The following SPEG variants were observed in gnomAD, a reference collection of about 807,000 sequenced individuals.
SPEG encodes striated muscle enriched protein kinase.
Under a neutral mutation model 300.4 loss-of-function variants are expected in SPEG, and 114 were observed. The observed-to-expected ratio is 0.38, with a 90% CI of 0.33 to 0.44. The LOEUF (loss-of-function observed/expected upper bound fraction) is 0.44. Ranked by LOEUF, SPEG falls within the 20% of genes least tolerant of loss-of-function variation. The pLI, the probability that SPEG is intolerant of heterozygous loss-of-function variation, is 1.00. For missense variants in SPEG, 4,201 were observed against 4,586.2 expected, an observed-to-expected ratio of 0.92 and a Z score of 2.43; for synonymous variants, 1,964 against 2,018.9, an observed-to-expected ratio of 0.97 and a Z score of 0.73.
intron 18 of SPEG, among the ~76,000 whole-genome samples, chr2:219,475,956 G>C (rs1432289145): frequency 6.6e-6 from 1 of 151,532 alleles, no homozygotes; most frequent in African/African-American, 2.4e-5. Flanking sequence ...GTCCACACCC[G>C]GCCGCCCTGC....
At position 219,464,387 on chromosome 2, in the gene SPEG, C is replaced by T. The variant is rs1013667966; in HGVS notation, c.2706-46C>T. The T allele has an allele frequency of 1.3e-6, 2 of 1,569,882 alleles. No individual in the cohort carries two copies. The highest frequency in any genetic ancestry group is 1.7e-6 in the Non-Finnish European group (2 of 1,159,596). ...TGCAGCCCCAGTTCCTGTGCACGCA[C>T]ATCAGGCCCCTGGGCCCTGGGACTG... On this transcript the variant is annotated intron_variant, in intron 8 of 40. Coordinates refer to ENST00000312358, the MANE Select transcript of SPEG (RefSeq NM_005876.5). This position sits in a 1 kb window ranked among gnomAD's most constrained non-coding sequence, Gnocchi z 4.5.
At chr2:219,478,362 A>G (rs1179632808) in intron 22 of SPEG, among the ~76,000 whole-genome samples, 1 of 152,148 alleles carries the variant, frequency 6.6e-6, no homozygotes, top group African/African-American at 2.4e-5. Context: ...ATATATTCCT[A>G]TCTCCTGGAA....
At chr2:219,470,253 A>C (rs1022065629) in intron 13 of SPEG, among the ~76,000 whole-genome samples, 38 of 152,302 alleles carry the variant, frequency 2.5e-4, no homozygotes, top group African/African-American at 8.9e-4. Context: ...AGGCTTAGAG[A>C]GATACAGGAA....
At chr2:219,465,890 T>C (rs1372892084) in intron 9 of SPEG, 129 of 635,616 alleles carry the variant, frequency 2.0e-4, no homozygotes, top group Non-Finnish European at 3.1e-4. Context: ...CGTGTGCATG[T>C]GTGCGTATGG....
At chr2:219,490,103 C>T (rs1440955651) in intron 36 of SPEG, among the ~76,000 whole-genome samples, 164 bp downstream of exon 36, 3 of 152,232 alleles carry the variant, frequency 2.0e-5, no homozygotes, top group Admixed American at 6.5e-5. Flanking sequence ...CACTGCACTG[C>T]GTGCTTTAGC....
Position 219,481,613 on chromosome 2 carries a change from C to T in SPEG, c.5523-25C>T, listed in dbSNP as rs1429909927. 1 of 1,613,726 alleles carries T rather than the reference C, an allele frequency of 6.2e-7. No individual in the cohort carries two copies. The highest frequency in any genetic ancestry group is 8.5e-7 in the Non-Finnish European group (1 of 1,179,630). On this transcript the variant is annotated intron_variant, in intron 27 of 40. Transcript: ENST00000312358. This position sits in a 1 kb window ranked among gnomAD's most constrained non-coding sequence, Gnocchi z 5.4. ...TCACTGATGACTGAACGATAAATCCCTTCTTAATCCTCATTCATTCACAGG... is the reference window on the plus strand; with the variant it reads ...TCACTGATGACTGAACGATAAATCCTTTCTTAATCCTCATTCATTCACAGG...
chr2:219,484,027 C>A lies in SPEG; in HGVS notation c.6564C>A (p.Thr2188=), dbSNP rs970831319. Residue 2188 remains threonine (T), a synonymous_variant, in exon 30 of 41, where the codon ACC becomes ACA. Transcript: ENST00000312358. ...GGCCCAGCGCCCCCAAACCCAGTAC[C>A]CCTAAGTCTGCAGAACCTTCTGCCA... ...PARPSAPKPS[T]PKSAEPSATT... 2.5e-6 allele frequency: 4 copies of A among 1,613,530 alleles called. No individual in the cohort carries two copies. Among genetic ancestry groups the A allele is most frequent in the Non-Finnish European group, 3.4e-6 (4 of 1,179,838 alleles).
Position 219,492,687 on chromosome 2 carries a change from C to T in SPEG, c.9705C>T (p.Thr3235=), listed in dbSNP as rs374298882. 81 of 1,609,676 alleles carry T rather than the reference C, an allele frequency of 5.0e-5. No individual in the cohort carries two copies. The highest frequency in any genetic ancestry group is 6.8e-5 in the Non-Finnish European group (80 of 1,179,966). The change falls in exon 41 of 41, where the codon ACC becomes ACT. Residue 3235 remains threonine, a synonymous_variant. Coordinates refer to ENST00000312358, the MANE Select transcript of SPEG (RefSeq NM_005876.5). ...GCCGCCAGACGCTCACCTTCACCAC[C>T]AACCGGCTCAAGGAGTTCCTGGGCG... The part of the protein sequence containing the change: ...KLRRQTLTFT[T]NRLKEFLGEQ...
chr2:219,488,354 G>T, intron 32 of SPEG, 44 bp downstream of exon 32: 1 of 1,547,104 alleles, frequency 6.5e-7, no homozygotes. Context: ...CCAGCAAGTG[G>T]CCCTGAGCCC....
intron 31 of SPEG, among the ~76,000 whole-genome samples, chr2:219,487,661 G>A (rs1395267888): frequency 2.0e-5 from 3 of 152,134 alleles, no homozygotes; most frequent in Admixed American, 6.5e-5. Flanking sequence ...AAGCCGACAC[G>A]CTTCCAGGGT....
At chr2:219,436,905 A>T (rs1954734039) in intron 1 of SPEG, among the ~76,000 whole-genome samples, 1 of 152,226 alleles carries the variant, frequency 6.6e-6, no homozygotes, top group Admixed American at 6.5e-5. Context: ...ATCAAAGGGT[A>T]AGATAGATGA....
In SPEG at chr2:219,448,808, C is replaced by G. The variant is rs1210980711; in HGVS notation, c.1650C>G (p.Pro550=). Residue 550 remains proline (P), a synonymous_variant, in exon 4 of 41, where the codon CCC becomes CCG. Coordinates refer to ENST00000312358, the MANE Select transcript of SPEG (RefSeq NM_005876.5). ...STPKTSRAVS[P]AAAQPPSPSS... ...CCAAGACATCGCGGGCCGTGAGCCCCGCCGCCGCCCAGCCGCCCTCTCCGA... is the reference window on the plus strand; with the variant it reads ...CCAAGACATCGCGGGCCGTGAGCCCGGCCGCCGCCCAGCCGCCCTCTCCGA... The G allele has an allele frequency of 7.1e-7, 1 of 1,402,762 alleles. No homozygotes were observed. The highest frequency in any genetic ancestry group is 1.6e-5 in the South Asian group (1 of 64,154). The allele number at this position is 1,402,762 out of a possible 1,614,324, so 86.9% of individuals were successfully genotyped here. A position where few individuals can be genotyped will look rare whatever the true frequency, so the allele number is the denominator to read the frequency against.
Position 219,448,771 on chromosome 2 carries a change from G to T in SPEG, c.1613G>T (p.Arg538Leu), listed in dbSNP as rs1434694472. 6.9e-7 allele frequency: 1 copy of T among 1,445,630 alleles called. No individual in the cohort carries two copies. The highest frequency in any genetic ancestry group is 9.0e-7 in the Non-Finnish European group (1 of 1,106,330). 89.6% of individuals were successfully genotyped at this position (1,445,630 alleles called of 1,614,324 possible). Residue 538 changes from arginine to leucine, a missense_variant, in exon 4 of 41, where the codon CGG becomes CTG. By Grantham distance (102) the Arg-to-Leu change is moderately radical. Transcript: ENST00000312358. ...REPGEPPLFS[R>L]PSTPKTSRAV... ...CCCGGCGAGCCCCCGCTCTTCTCTCGGCCCTCCACCCCCAAGACATCGCGG... is the reference window on the plus strand; with the variant it reads ...CCCGGCGAGCCCCCGCTCTTCTCTCTGCCCTCCACCCCCAAGACATCGCGG...
rs762783602 is a variant in SPEG at position 219,448,628 on chromosome 2, C to A, written c.1470C>A (p.Leu490=). The A allele has an allele frequency of 1.3e-6, 2 of 1,482,420 alleles. No individual in the cohort carries two copies. Among genetic ancestry groups the A allele is most frequent in the South Asian group, 2.5e-5 (2 of 78,488 alleles). 91.8% of individuals were successfully genotyped at this position (1,482,420 alleles called of 1,614,324 possible). A position where few individuals can be genotyped will look rare whatever the true frequency, so the allele number is the denominator to read the frequency against. Residue 490 remains leucine (L), a synonymous_variant, in exon 4 of 41, where the codon CTC becomes CTA. Transcript: ENST00000312358. The stretch of plus-strand genomic sequence containing the variant: ...GTCAGCGCAGCCCGGCCTCAGACCT[C>A]GAGCTGCGCTTCGCCCAGGAGCTGG... ...RTRQRSPASD[L]ELRFAQELGR...
In SPEG at chr2:219,443,262, TC is replaced by T; in HGVS notation, c.389-1388del. On this transcript the variant is annotated intron_variant, in intron 1 of 40. Transcript: ENST00000312358. This position sits in a 1 kb window ranked among gnomAD's most constrained non-coding sequence, Gnocchi z 4.6. ...AGACAGCCCATGAGATGTGGAACCCTCCCACTCACCCCCACACTTATCTACC... is the reference window on the plus strand; with the variant it reads ...AGACAGCCCATGAGATGTGGAACCCTCCACTCACCCCCACACTTATCTACC... The T allele has an allele frequency of 9.3e-7, 1 of 1,077,434 alleles. No homozygotes were observed. The highest frequency in any genetic ancestry group is 1.4e-6 in the Non-Finnish European group (1 of 692,044). The allele number at this position is 1,077,434 out of a possible 1,614,324, so 66.7% of individuals were successfully genotyped here.
At chr2:219,466,784 G>A (rs1691400573) in intron 9 of SPEG, 1 of 1,013,520 alleles carries the variant, frequency 9.9e-7, no homozygotes, top group Non-Finnish European at 1.2e-6. Context: ...AGGAGCAGGG[G>A]CAGGGGGCCA....
At position 219,458,326 on chromosome 2, in the gene SPEG, T is replaced by TGGTCCTCAGAGTGA. The variant is rs1234103345; in HGVS notation, c.2441-3553_2441-3540dup. Among the ~76,000 whole-genome samples the TGGTCCTCAGAGTGA allele has an allele frequency of 6.6e-6, 1 of 151,762 alleles. No individual in the cohort carries two copies. The highest frequency in any genetic ancestry group is 1.5e-5 in the Non-Finnish European group (1 of 67,998). ...GCTTGGCAAAGAGACCATGGAGCGG[T>TGGTCCTCAGAGTGA]GGTCCTCAGAGTGAGGCCCCCAGAC... On this transcript the variant is annotated intron_variant, in intron 6 of 40. Coordinates refer to ENST00000312358, the MANE Select transcript of SPEG (RefSeq NM_005876.5). The surrounding 1 kb of genome is among the most constrained non-coding windows in gnomAD (Gnocchi z 4.2).
chr2:219,485,797 A>G (rs1180317198), intron 31 of SPEG, among the ~76,000 whole-genome samples: 1 of 152,192 alleles, frequency 6.6e-6, no homozygotes, highest in East Asian at 1.9e-4. Flanking sequence ...TAGTAAGTGG[A>G]GCAGCTGAAG....
Position 219,480,089 on chromosome 2 carries a change from T to C in SPEG, c.5291T>C (p.Val1764Ala). 6.2e-7 allele frequency: 1 copy of C among 1,613,974 alleles called. No homozygotes were observed. The highest frequency in any genetic ancestry group is 8.5e-7 in the Non-Finnish European group (1 of 1,180,006). ...QYCQYGTPEF[V>A]APEIVNQSPV... ...TGCCAGTATGGCACACCTGAGTTTGTAGCACCCGAGATTGTCAATCAGAGC... is the reference window on the plus strand; with the variant it reads ...TGCCAGTATGGCACACCTGAGTTTGCAGCACCCGAGATTGTCAATCAGAGC... Residue 1764 changes from valine to alanine, a missense_variant, in exon 25 of 41, where the codon GTA becomes GCA. Physicochemically the swap from Val to Ala is moderately conservative, Grantham distance 64. Coordinates refer to ENST00000312358, the MANE Select transcript of SPEG (RefSeq NM_005876.5). The surrounding 1 kb of genome is among the most constrained non-coding windows in gnomAD (Gnocchi z 5.3).
Sources: gnomAD v4.1 joint callset for allele counts (sites outside exome capture counted in the v4.1 genomes callset) on GRCh38, gnomAD v4.1.1 for gene constraint, Gnocchi (gnomAD v3.1) non-coding constraint, MANE v1.5 for transcripts, NCBI Gene and HGNC (gene_info 2026-07-23, HGNC 2026-07-21) for gene names.